The following SNTG2 variants were observed in gnomAD, a reference collection of about 807,000 sequenced individuals.
The protein encoded by SNTG2 is syntrophin gamma 2.
SNTG2 carries 74 observed loss-of-function variants against 70.9 expected under a neutral mutation model. That is an observed-to-expected ratio of 1.04 (90% CI 0.86 to 1.27). The LOEUF (loss-of-function observed/expected upper bound fraction) is 1.27, where lower values mean the gene tolerates loss of function less well. SNTG2 is among the 50% of genes most tolerant of loss of function. The pLI is 0.00. For missense variants in SNTG2, 717 were observed against 690.7 expected (o/e 1.04, Z -0.43); for synonymous variants, 278 against 273.8 (o/e 1.02, Z -0.15).
intron 13 of SNTG2, among the ~76,000 whole-genome samples, chr2:1,264,869 T>A (rs1226889420): frequency 6.6e-6 from 1 of 152,238 alleles, no homozygotes; most frequent in Non-Finnish European, 1.5e-5. Flanking sequence ...ATTCACTTAT[T>A]CTATTCTAAG....
At chr2:1,360,440 A>G in intron 16 of SNTG2, among the ~76,000 whole-genome samples, 1 of 152,300 alleles carries the variant, frequency 6.6e-6, no homozygotes, top group South Asian at 2.1e-4. Context: ...TGTTCCTTCC[A>G]GCAGCACAGC....
chr2:1,207,268 G>A (rs892358968), intron 8 of SNTG2, among the ~76,000 whole-genome samples: 2 of 152,222 alleles, frequency 1.3e-5, no homozygotes, highest in African/African-American at 2.4e-5. Context: ...ACAGAAAAGG[G>A]TAACCATGAA....
chr2:1,058,843 C>T (rs1662629305), intron 1 of SNTG2, among the ~76,000 whole-genome samples: 1 of 152,230 alleles, frequency 6.6e-6, no homozygotes, highest in Non-Finnish European at 1.5e-5. Flanking sequence ...GTCAGATGAA[C>T]TGAGCTTCCC....
chr2:1,221,514 T>C (rs1674857697), intron 9 of SNTG2, among the ~76,000 whole-genome samples: 2 of 14,974 alleles, frequency 1.3e-4, no homozygotes, highest in Non-Finnish European at 2.7e-4. Flanking sequence ...TCTCTCTCTC[T>C]CTGTCTCTCT....
intron 14 of SNTG2, among the ~76,000 whole-genome samples, chr2:1,297,211 G>A (rs554280390): frequency 2.0e-5 from 3 of 152,334 alleles, no homozygotes; most frequent in African/African-American, 7.2e-5. Context: ...ATCTGCAAGT[G>A]AGGGGAATAA....
intron 1 of SNTG2, among the ~76,000 whole-genome samples, chr2:1,036,799 C>G (rs1337052204): frequency 6.6e-6 from 1 of 152,208 alleles, no homozygotes; most frequent in East Asian, 1.9e-4. Context: ...TTCCCCTTAT[C>G]AAAGGTAAAC....
chr2:1,095,113 C>G (rs1021740998), intron 2 of SNTG2, among the ~76,000 whole-genome samples: 1 of 151,890 alleles, frequency 6.6e-6, no homozygotes, highest in African/African-American at 2.4e-5. Flanking sequence ...AGAGAGAGAG[C>G]GCTGTATCTG....
intron 4 of SNTG2, among the ~76,000 whole-genome samples, chr2:1,103,235 AATT>A (rs1329165885): frequency 6.6e-6 from 1 of 152,118 alleles, no homozygotes; most frequent in Admixed American, 6.5e-5. Context: ...GGAGATCTAT[AATT>A]ATTTTTATTG....
intron 4 of SNTG2, among the ~76,000 whole-genome samples, chr2:1,120,091 C>T (rs536067865): frequency 6.6e-6 from 1 of 152,158 alleles, no homozygotes; most frequent in South Asian, 2.1e-4. Flanking sequence ...CCAATAATCA[C>T]CTTGAATATT....
At chr2:1,025,273 A>AT (rs1491438302) in intron 1 of SNTG2, among the ~76,000 whole-genome samples, 1 of 152,186 alleles carries the variant, frequency 6.6e-6, no homozygotes, top group African/African-American at 2.4e-5. Context: ...GTTGGTAAAC[A>AT]TAGCACAGGA....
chr2:1,125,746 G>T (rs1321302386), intron 4 of SNTG2, among the ~76,000 whole-genome samples: 2 of 151,634 alleles, frequency 1.3e-5, no homozygotes, highest in Non-Finnish European at 2.9e-5. Flanking sequence ...TTCTCTCTTG[G>T]GGCAAAAAGT....
At chr2:980,899 T>C (rs1661076139) in intron 1 of SNTG2, among the ~76,000 whole-genome samples, 1 of 152,232 alleles carries the variant, frequency 6.6e-6, no homozygotes, top group Non-Finnish European at 1.5e-5. Context: ...TAGGACCTCG[T>C]AAATTCTGAC....
intron 4 of SNTG2, among the ~76,000 whole-genome samples, chr2:1,125,283 CTTCAT>C (rs2148298236): frequency 1.3e-5 from 2 of 152,216 alleles, no homozygotes; most frequent in South Asian, 4.1e-4. Flanking sequence ...AATATTAAAA[CTTCAT>C]TTCTTCATTT....
intron 1 of SNTG2, among the ~76,000 whole-genome samples, chr2:964,305 A>G (rs1337436459): frequency 2.0e-5 from 3 of 152,200 alleles, no homozygotes; most frequent in East Asian, 1.9e-4. Flanking sequence ...ACTGTGTTCT[A>G]AGGACATGAG....
At chr2:1,249,152 T>C (rs1677613291) in intron 12 of SNTG2, among the ~76,000 whole-genome samples, 2 of 152,354 alleles carry the variant, frequency 1.3e-5, no homozygotes, top group Middle Eastern at 6.8e-3. Context: ...TTGAGACAAC[T>C]GAAGGCCCCT....
chr2:1,358,667 C>T (rs1346859354), intron 16 of SNTG2, among the ~76,000 whole-genome samples: 1 of 152,022 alleles, frequency 6.6e-6, no homozygotes, highest in Non-Finnish European at 1.5e-5. Context: ...TTCCAATTTT[C>T]CTTCTGCTAT....
intron 14 of SNTG2, among the ~76,000 whole-genome samples, chr2:1,279,979 G>A (rs758788909): frequency 3.9e-5 from 6 of 152,144 alleles, no homozygotes; most frequent in Non-Finnish European, 5.9e-5. Context: ...GTATCTTTGC[G>A]TGATATTATA....
At chr2:1,125,196 CTAAA>C (rs1343286258) in intron 4 of SNTG2, among the ~76,000 whole-genome samples, 3 of 152,110 alleles carry the variant, frequency 2.0e-5, no homozygotes, top group Admixed American at 6.5e-5. Context: ...TTTTAATACG[CTAAA>C]TATTCAGTTA....
chr2:1,095,260 A>G (rs1391606093), intron 2 of SNTG2, among the ~76,000 whole-genome samples: 1 of 152,186 alleles, frequency 6.6e-6, no homozygotes, highest in African/African-American at 2.4e-5. Context: ...TTAGGGGGAC[A>G]CAGTCCCATT....
Sources: allele counts gnomAD v4.1 joint callset (sites outside exome capture counted in the v4.1 genomes callset), GRCh38; gene constraint gnomAD v4.1.1; transcripts MANE v1.5; gene names NCBI Gene and HGNC (gene_info 2026-07-23, HGNC 2026-07-21).